Variants in SVOPL observed in about 807,000 individuals in gnomAD.
The protein encoded by SVOPL is putative transporter SVOPL.
A neutral mutation model predicts 61.0 loss-of-function variants in SVOPL; 60 were observed. The observed-to-expected ratio is 0.98, with a 90% CI of 0.80 to 1.22. The LOEUF is 1.22. Ranked by LOEUF, SVOPL falls within the 50% of genes most tolerant of loss-of-function variation. The probability of loss-of-function intolerance (pLI) is 0.00; values close to 1 mark genes in which losing one functional copy is unlikely to be tolerated. For missense variants in SVOPL, 662 were observed against 643.9 expected (o/e 1.03, Z -0.30); for synonymous variants, 279 against 250.0 (o/e 1.12, Z -1.09).
intron 8 of SVOPL, among the ~76,000 whole-genome samples, chr7:138,647,327 G>C (rs1375141348): frequency 6.6e-6 from 1 of 152,114 alleles, no homozygotes; most frequent in Non-Finnish European, 1.5e-5. Flanking sequence ...GTTGCGAAGA[G>C]CTGAGATCGC....
intron 14 of SVOPL, chr7:138,596,842 A>C (rs1425174944): frequency 9.1e-7 from 1 of 1,100,892 alleles, no homozygotes; most frequent in East Asian, 6.9e-5. Flanking sequence ...CCGTTTCCCC[A>C]CCCCCTTTCT....
In SVOPL at chr7:138,659,764, G is replaced by C. The variant is rs1801917727; in HGVS notation, c.470+100C>G. 3 of 1,148,890 alleles carry C rather than the reference G, an allele frequency of 2.6e-6. No individual in the cohort carries two copies. The African/African-American group carries it at 4.7e-5, about 18-fold the overall frequency. The allele number at this position is 1,148,890 out of a possible 1,614,324, so 71.2% of individuals were successfully genotyped here. A position where few individuals can be genotyped will look rare whatever the true frequency, so the allele number is the denominator to read the frequency against. ...GACTGAAACCTGTCTCAGATATGTT[G>C]GGTTCACAATGCTTTTGGTCTATTA... On this transcript the variant is annotated intron_variant, in intron 6 of 15. Coordinates refer to ENST00000674285, the MANE Select transcript of SVOPL (RefSeq NM_001139456.2).
chr7:138,610,266 G>C (rs1798940033), intron 14 of SVOPL, among the ~76,000 whole-genome samples: 1 of 148,240 alleles, frequency 6.7e-6, no homozygotes, highest in African/African-American at 2.5e-5. Context: ...CCTCTCCTCT[G>C]TCCATACATA....
intron 1 of SVOPL, chr7:138,689,446 T>TC: frequency 1.8e-6 from 2 of 1,138,302 alleles, no homozygotes; most frequent in Non-Finnish European, 2.6e-6. Flanking sequence ...AAGGAACAGA[T>TC]TGTTCCTAAA....
chr7:138,688,004 T>C (rs768095129), intron 1 of SVOPL, among the ~76,000 whole-genome samples: 13 of 152,072 alleles, frequency 8.5e-5, no homozygotes, highest in African/African-American at 1.2e-4. Flanking sequence ...GGTTTCACCA[T>C]GTTGGCCAGG....
intron 14 of SVOPL, among the ~76,000 whole-genome samples, chr7:138,616,976 T>G (rs1397802770): frequency 6.6e-6 from 1 of 152,066 alleles, no homozygotes; most frequent in African/African-American, 2.4e-5. Context: ...ATTAATTTAT[T>G]TATTTATTCT....
rs71179717 is a variant in SVOPL, at chr7:138,654,500, G to GTTTTTTTT, written c.534+1940_534+1947dup. On this transcript the variant is annotated intron_variant, in intron 7 of 15. Transcript: ENST00000674285. ...GTTTACAGCATGGTTTACTGAGTTTGTTTTTTTTTTTTTTTTTGAGACGGA... is the reference window on the plus strand; with the variant it reads ...GTTTACAGCATGGTTTACTGAGTTTGTTTTTTTTTTTTTTTTTTTTTTTTTGAGACGGA... 1.2e-4 allele frequency among the ~76,000 whole-genome samples: 15 copies of GTTTTTTTT among 125,524 alleles called. 1 individual carries two copies. Among genetic ancestry groups the GTTTTTTTT allele is most frequent in the Non-Finnish European group, 1.8e-4 (11 of 62,384 alleles). 82.3% of individuals were successfully genotyped at this position (125,524 alleles called of 152,430 possible).
chr7:138,677,542 C>A (rs1404813387), intron 3 of SVOPL, among the ~76,000 whole-genome samples: 1 of 152,168 alleles, frequency 6.6e-6, no homozygotes, highest in Non-Finnish European at 1.5e-5. Flanking sequence ...TCCTGCAAAG[C>A]TGTTCTTTGT....
chr7:138,632,289 C>G (rs1397251289), intron 9 of SVOPL, among the ~76,000 whole-genome samples: 1 of 152,166 alleles, frequency 6.6e-6, no homozygotes, highest in Admixed American at 6.5e-5. Context: ...AAACATTTAG[C>G]CAGGCGTGAT....
intron 8 of SVOPL, among the ~76,000 whole-genome samples, chr7:138,647,305 CG>C (rs977004705): frequency 6.6e-6 from 1 of 151,718 alleles, no homozygotes; most frequent in African/African-American, 2.4e-5. Context: ...TGCTTGAACC[CG>C]GGAGGCAGAG....
chr7:138,689,758 G>A (rs918361030), intron 1 of SVOPL, among the ~76,000 whole-genome samples: 5 of 151,394 alleles, frequency 3.3e-5, no homozygotes, highest in Admixed American at 6.6e-5. Flanking sequence ...TCAAGAGGCT[G>A]AGGCAGGAGA....
intron 4 of SVOPL, 146 bp from the exon 5 acceptor site, chr7:138,663,291 T>C: frequency 6.8e-7 from 1 of 1,480,946 alleles, no homozygotes; most frequent in Non-Finnish European, 9.0e-7. Flanking sequence ...TGGTCTTGCT[T>C]GCCCCTGAGG....
rs1025475076 is a variant in SVOPL at position 138,644,792 on chromosome 7, G to A, written c.714C>T (p.Ala238=). 6.2e-7 allele frequency: 1 copy of A among 1,614,170 alleles called. No individual in the cohort carries two copies. The highest frequency in any genetic ancestry group is 1.3e-5 in the African/African-American group (1 of 75,046). ...FNVSTGNTRA[A]LATLERVAKM... is the part of the protein sequence containing the mutation. ...TGGCAACGCGCTCCAGAGTGGCCAG[G>A]GCAGCCCGAGTGTTCCCAGTGGAGA... The change falls in exon 9 of 16, where the codon GCC becomes GCT. Residue 238 remains alanine (A), a synonymous_variant. Transcript: ENST00000674285.
At chr7:138,606,580 A>G (rs1798767869) in intron 14 of SVOPL, among the ~76,000 whole-genome samples, 2 of 152,144 alleles carry the variant, frequency 1.3e-5, no homozygotes, top group Admixed American at 1.3e-4. Context: ...TACACAAAAA[A>G]CAAAGGCATC....
rs1563108712 is a variant in SVOPL at position 138,637,465 on chromosome 7, TATAGATATAGATATAG to T, written c.789+7236_789+7251del. ...ATAGATAGATAGATAGATATATATA[TATAGATATAGATATAG>T]ATATAGATAGATATATATATATATA... On this transcript the variant is annotated intron_variant, in intron 9 of 15. Transcript: ENST00000674285. 3.1e-3 allele frequency among the ~76,000 whole-genome samples: 42 copies of T among 13,614 alleles called. 1 individual carries two copies. The highest frequency in any genetic ancestry group is 0.067 in the Middle Eastern group (2 of 30). The allele number at this position is 13,614 out of a possible 152,430, so 8.9% of individuals were successfully genotyped here.
intron 9 of SVOPL, among the ~76,000 whole-genome samples, chr7:138,637,507 T>TATATAGATATATAGATAGATAG (rs1800555107): frequency 7.8e-5 from 2 of 25,640 alleles, no homozygotes; most frequent in African/African-American, 1.5e-4. Flanking sequence ...TATATATATA[T>TATATAGATATATAGATAGATAG]ATAGATAGAT....
At chr7:138,669,504 G>C (rs1802362405) in intron 4 of SVOPL, among the ~76,000 whole-genome samples, 1 of 152,186 alleles carries the variant, frequency 6.6e-6, no homozygotes, top group African/African-American at 2.4e-5. Flanking sequence ...TCAGCCACCA[G>C]AAAAGAGAAG....
chr7:138,689,856 CAA>C (rs71520015), intron 1 of SVOPL, among the ~76,000 whole-genome samples: 12 of 106,552 alleles, frequency 1.1e-4, no homozygotes, highest in Admixed American at 3.2e-4. Context: ...GACTCCGTCT[CAA>C]AAAAAAAAAA....
intron 1 of SVOPL, among the ~76,000 whole-genome samples, chr7:138,684,934 C>CTTTTTTTTTTTTT (rs201231483): frequency 7.1e-6 from 1 of 140,128 alleles, no homozygotes; most frequent in Non-Finnish European, 1.5e-5. Flanking sequence ...TTTTTCTTTT[C>CTTTTTTTTTTTTT]TTTTTTTTTT....
Sources: allele counts gnomAD v4.1 joint callset (sites outside exome capture counted in the v4.1 genomes callset), GRCh38; gene constraint gnomAD v4.1.1; transcripts MANE v1.5; gene names NCBI Gene and HGNC (gene_info 2026-07-23, HGNC 2026-07-21).